NTNG1: variants seen among roughly 807,000 people sequenced by gnomAD.
NTNG1 encodes the protein netrin G1, also known as netrin-G1.
A neutral mutation model predicts 54.0 loss-of-function variants in NTNG1; 16 were observed. The observed-to-expected ratio is 0.30, with a 90% CI of 0.20 to 0.45. The LOEUF (loss-of-function observed/expected upper bound fraction) is 0.45. NTNG1 is among the 20% of genes least tolerant of loss of function. NTNG1 has a pLI of 1.00. For missense variants in NTNG1, 530 were observed against 678.7 expected, an observed-to-expected ratio of 0.78 and a Z score of 2.43; for synonymous variants, 255 against 263.1, an observed-to-expected ratio of 0.97 and a Z score of 0.30.
chr1:107,438,723 T>C (rs1208043987), intron 7 of NTNG1, among the ~76,000 whole-genome samples: 1 of 152,140 alleles, frequency 6.6e-6, no homozygotes, highest in Admixed American at 6.6e-5. Flanking sequence ...AATAAGTCAA[T>C]CCTGCTTTGG....
chr1:107,210,120 G>A, intron 2 of NTNG1, among the ~76,000 whole-genome samples: 1 of 152,108 alleles, frequency 6.6e-6, no homozygotes, highest in East Asian at 1.9e-4. Flanking sequence ...ATTAACGGAG[G>A]GGGAGAGGAC....
chr1:107,309,294 A>G (rs553903162), intron 2 of NTNG1, among the ~76,000 whole-genome samples: 8 of 152,276 alleles, frequency 5.3e-5, no homozygotes, highest in African/African-American at 1.4e-4. Context: ...TTATAAACTC[A>G]TGTTTGAGAA....
At chr1:107,288,615 G>A (rs1001502197) in intron 2 of NTNG1, among the ~76,000 whole-genome samples, 1 of 152,114 alleles carries the variant, frequency 6.6e-6, no homozygotes, top group Non-Finnish European at 1.5e-5. Context: ...AGGTGGTATA[G>A]TATGAAGCCA....
chr1:107,350,772 T>C (rs536969176), intron 3 of NTNG1, among the ~76,000 whole-genome samples: 5 of 152,324 alleles, frequency 3.3e-5, no homozygotes, highest in Admixed American at 2.0e-4. Flanking sequence ...ATCTCACTTA[T>C]ATGTGGAATC....
At chr1:107,200,185 CTACTAA>C (rs1194990640) in intron 2 of NTNG1, among the ~76,000 whole-genome samples, 1 of 151,700 alleles carries the variant, frequency 6.6e-6, no homozygotes, top group Non-Finnish European at 1.5e-5. Flanking sequence ...CTGTGGTTAG[CTACTAA>C]TATTAACATT....
intron 2 of NTNG1, among the ~76,000 whole-genome samples, chr1:107,237,845 C>T (rs1259176951): frequency 6.6e-6 from 1 of 152,190 alleles, no homozygotes; most frequent in African/African-American, 2.4e-5. Flanking sequence ...CACCTGAATG[C>T]CCAGCCAAAA....
At chr1:107,367,951 C>T (rs939764657) in intron 3 of NTNG1, among the ~76,000 whole-genome samples, 10 of 151,930 alleles carry the variant, frequency 6.6e-5, no homozygotes, top group African/African-American at 9.7e-5. Context: ...TTAGTAGAGA[C>T]GGGGTTTCAC....
chr1:107,189,871 A>G (rs1270895514), intron 2 of NTNG1, among the ~76,000 whole-genome samples: 11 of 151,914 alleles, frequency 7.2e-5, no homozygotes, highest in South Asian at 4.1e-4. Flanking sequence ...GTGTACTAGT[A>G]TTCACAGCAG....
intron 5 of NTNG1, among the ~76,000 whole-genome samples, chr1:107,430,485 T>G (rs201198554): frequency 6.6e-6 from 1 of 152,212 alleles, no homozygotes; most frequent in African/African-American, 2.4e-5. Flanking sequence ...GGTGTACACC[T>G]GCAAATGCTT....
intron 3 of NTNG1, among the ~76,000 whole-genome samples, chr1:107,385,936 A>G (rs1671942437): frequency 6.6e-6 from 1 of 151,156 alleles, no homozygotes. Context: ...ATCACTCAAA[A>G]AGCCCCTATC....
At chr1:107,271,270 A>G (rs1664128364) in intron 2 of NTNG1, among the ~76,000 whole-genome samples, 1 of 152,292 alleles carries the variant, frequency 6.6e-6, no homozygotes, top group East Asian at 1.9e-4. Flanking sequence ...ACATACGTAT[A>G]CATGTGCCAT....
chr1:107,461,483 T>G (rs1055825691), intron 7 of NTNG1, among the ~76,000 whole-genome samples: 4 of 151,978 alleles, frequency 2.6e-5, no homozygotes, highest in African/African-American at 9.7e-5. Context: ...AAACACCAGA[T>G]CACCCATCCT....
rs968312999 is a variant in NTNG1 at position 107,191,395 on chromosome 1, G to A, written c.246+42556G>A. 4.4e-3 allele frequency among the ~76,000 whole-genome samples: 666 copies of A among 152,118 alleles called. 5 individuals carry two copies. Among genetic ancestry groups the A allele is most frequent in the Non-Finnish European group, 7.5e-3 (513 of 67,958 alleles). ...TGTAGGTTGCCTGTTCACTCTGATG[G>A]TAGTTTCTTTTGCTGTGCAGAAGCT... On this transcript the variant is annotated intron_variant, in intron 2 of 7. Coordinates refer to ENST00000370068, the MANE Select transcript of NTNG1 (RefSeq NM_001113226.3).
At chr1:107,302,810 A>T (rs1485137551) in intron 2 of NTNG1, among the ~76,000 whole-genome samples, 1 of 152,196 alleles carries the variant, frequency 6.6e-6, no homozygotes, top group African/African-American at 2.4e-5. Flanking sequence ...TGACTTACAG[A>T]CATATCCCTT....
At chr1:107,418,304 A>G (rs1248481638) in intron 5 of NTNG1, among the ~76,000 whole-genome samples, 1 of 151,986 alleles carries the variant, frequency 6.6e-6, no homozygotes, top group South Asian at 2.1e-4. Flanking sequence ...CCTTATTTGT[A>G]TTTTTGTGTG....
At chr1:107,473,003 T>A (rs1678081177) in intron 7 of NTNG1, among the ~76,000 whole-genome samples, 1 of 152,146 alleles carries the variant, frequency 6.6e-6, no homozygotes, top group Admixed American at 6.5e-5. Context: ...CCCACATACC[T>A]TTGTTATTAG....
At chr1:107,434,094 C>A (rs574738701) in intron 6 of NTNG1, among the ~76,000 whole-genome samples, 1 of 152,296 alleles carries the variant, frequency 6.6e-6, no homozygotes, top group South Asian at 2.1e-4. Context: ...TGAACTTCAT[C>A]TAAGTCTCAT....
intron 2 of NTNG1, among the ~76,000 whole-genome samples, chr1:107,155,987 G>A (rs190100605): frequency 1.4e-4 from 22 of 152,260 alleles, no homozygotes; most frequent in African/African-American, 4.6e-4. Flanking sequence ...AGGAGCAATA[G>A]ACTATACCAT....
chr1:107,393,324 A>G (rs1381039053), intron 3 of NTNG1, among the ~76,000 whole-genome samples: 1 of 152,162 alleles, frequency 6.6e-6, no homozygotes, highest in African/African-American at 2.4e-5. Flanking sequence ...CATCCTCCGT[A>G]TATAGAAACA....
Sources: gnomAD v4.1 joint callset for allele counts (sites outside exome capture counted in the v4.1 genomes callset) on GRCh38, gnomAD v4.1.1 for gene constraint, MANE v1.5 for transcripts, NCBI Gene and HGNC (gene_info 2026-07-23, HGNC 2026-07-21) for gene names.